Variants in CERS3 observed in about 807,000 individuals in gnomAD.
CERS3 encodes the protein ceramide synthase 3.
Under a neutral mutation model 50.3 loss-of-function variants are expected in CERS3, and 33 were observed. That is an observed-to-expected ratio of 0.66 (90% confidence interval 0.50 to 0.88). The LOEUF (loss-of-function observed/expected upper bound fraction) is 0.88, where lower values mean the gene tolerates loss of function less well. Ranked by LOEUF, CERS3 falls within the 40% of genes least tolerant of loss-of-function variation. CERS3 has a pLI of 0.00. For synonymous variants in CERS3, 176 were observed against 155.2 expected (o/e 1.13, Z -0.99); for missense variants, 470 against 460.3 (o/e 1.02, Z -0.19).
intron 11 of CERS3, among the ~76,000 whole-genome samples, chr15:100,411,302 C>G (rs1391125900): frequency 6.6e-6 from 1 of 152,134 alleles, no homozygotes; most frequent in Non-Finnish European, 1.5e-5. Flanking sequence ...GCTGGCGTTA[C>G]AGGTGCCCAC....
At chr15:100,508,268 G>C (rs572126536) in intron 2 of CERS3, among the ~76,000 whole-genome samples, 3 of 152,050 alleles carry the variant, frequency 2.0e-5, no homozygotes, top group South Asian at 2.1e-4. Context: ...TTTTGCCCCT[G>C]TTCTTCCTGT....
intron 11 of CERS3, among the ~76,000 whole-genome samples, chr15:100,417,621 G>T (rs11533746): frequency 9.2e-5 from 14 of 151,526 alleles, no homozygotes; most frequent in Non-Finnish European, 1.6e-4. Flanking sequence ...CTCCACCTCT[G>T]GGGGCAGGGC....
rs116526431 is a variant in CERS3 at position 100,473,926 on chromosome 15, G to A, written c.610-874C>T. Among the ~76,000 whole-genome samples the A allele has an allele frequency of 3.7e-3, 564 of 152,290 alleles. 5 individuals are homozygous for A. The highest frequency in any genetic ancestry group is 0.012 in the African/African-American group (514 of 41,566). On this transcript the variant is annotated intron_variant, in intron 8 of 11. Transcript: ENST00000679737. Reference sequence around the variant, plus strand: ...GAGGATGAATAAAATGCATCCATCCGTACAATGGACTATTACTTAGCAATA... The same window carrying A: ...GAGGATGAATAAAATGCATCCATCCATACAATGGACTATTACTTAGCAATA...
At chr15:100,466,733 CTTCT>C (rs1567638259) in intron 10 of CERS3, among the ~76,000 whole-genome samples, 2 of 138,164 alleles carry the variant, frequency 1.4e-5, no homozygotes, top group Admixed American at 7.4e-5. Flanking sequence ...ATCTTCTTTC[CTTCT>C]TTCCTTCCTT....
upstream of CERS3, among the ~76,000 whole-genome samples, chr15:100,529,928 A>G (rs998566923): frequency 7.2e-5 from 11 of 152,226 alleles, 1 homozygote; most frequent in Admixed American, 6.5e-5. Context: ...GGGAAACACC[A>G]GTTTCAAATT....
intron 11 of CERS3, among the ~76,000 whole-genome samples, chr15:100,415,381 G>A (rs538965283): frequency 6.6e-6 from 1 of 152,296 alleles, no homozygotes; most frequent in South Asian, 2.1e-4. Context: ...GGGAAACAGT[G>A]TGGCAATTCC....
rs368801224 is a variant in CERS3 at position 100,472,873 on chromosome 15, G to A, written c.738+51C>T. 6.3e-5 allele frequency: 101 copies of A among 1,610,798 alleles called. No homozygotes were observed. The Middle Eastern group carries it at 6.6e-4, about 11-fold the overall frequency. On this transcript the variant is annotated intron_variant, in intron 9 of 11. Coordinates refer to ENST00000679737, the MANE Select transcript of CERS3 (RefSeq NM_001378789.1). ...CACAATTACTTCTGTGAGCAGTTACGGAAACCCAGGACATGGTATTGTCAT... is the reference window on the plus strand; with the variant it reads ...CACAATTACTTCTGTGAGCAGTTACAGAAACCCAGGACATGGTATTGTCAT...
chr15:100,503,009 A>G (rs2036058416), intron 2 of CERS3, among the ~76,000 whole-genome samples: 1 of 152,266 alleles, frequency 6.6e-6, no homozygotes, highest in Non-Finnish European at 1.5e-5. Context: ...ACTACAATCA[A>G]GTAACCAGAG....
chr15:100,440,702 C>T (rs1414147488), intron 11 of CERS3, among the ~76,000 whole-genome samples: 1 of 152,234 alleles, frequency 6.6e-6, no homozygotes, highest in Non-Finnish European at 1.5e-5. Context: ...CCACCTACGA[C>T]CTCAGGTCCT....
rs142842405 is a variant in CERS3 at position 100,502,018 on chromosome 15, G to A, written c.-1-168C>T. Among the ~76,000 whole-genome samples, 649 of 151,172 alleles carry A rather than the reference G, an allele frequency of 4.3e-3. 3 individuals are homozygous for A. The highest frequency in any genetic ancestry group is 0.015 in the African/African-American group (612 of 40,610). On this transcript the variant is annotated intron_variant, in intron 2 of 11. Transcript: ENST00000679737. Reference sequence around the variant, plus strand: ...TATCAGCACTTTGGGAGACCAAGGCGGGCGGATCATGAGGTCAAGAGATCA... The same window carrying A: ...TATCAGCACTTTGGGAGACCAAGGCAGGCGGATCATGAGGTCAAGAGATCA...
intron 2 of CERS3, among the ~76,000 whole-genome samples, chr15:100,514,133 A>T (rs1467016178): frequency 6.6e-6 from 1 of 152,170 alleles, no homozygotes; most frequent in Admixed American, 6.5e-5. Context: ...CCCCATCTAC[A>T]AGATGGAGTT....
intron 11 of CERS3, among the ~76,000 whole-genome samples, chr15:100,449,226 C>T (rs1049796702): frequency 2.0e-5 from 3 of 152,242 alleles, no homozygotes; most frequent in Non-Finnish European, 2.9e-5. Flanking sequence ...ATCACCACAG[C>T]TAGTACTCAC....
At chr15:100,470,533 G>A (rs1049101742) in intron 9 of CERS3, among the ~76,000 whole-genome samples, 17 of 152,150 alleles carry the variant, frequency 1.1e-4, no homozygotes, top group African/African-American at 3.9e-4. Context: ...CTGTAGTGGA[G>A]TGGGAGGCTG....
At chr15:100,438,698 T>C (rs556330695) in intron 11 of CERS3, among the ~76,000 whole-genome samples, 5 of 152,376 alleles carry the variant, frequency 3.3e-5, no homozygotes, top group African/African-American at 9.6e-5. Flanking sequence ...TTCTATGAAC[T>C]GAAGAGATCC....
chr15:100,509,876 A>G (rs528434599), intron 2 of CERS3, among the ~76,000 whole-genome samples: 4 of 152,164 alleles, frequency 2.6e-5, no homozygotes, highest in Non-Finnish European at 5.9e-5. Flanking sequence ...TGCTTCAGCC[A>G]ATAATAAAAT....
At chr15:100,417,961 T>C (rs2032087324) in intron 11 of CERS3, among the ~76,000 whole-genome samples, 1 of 151,732 alleles carries the variant, frequency 6.6e-6, no homozygotes, top group African/African-American at 2.4e-5. Context: ...CAAAAGTAGA[T>C]AAAACCACAA....
chr15:100,418,312 A>G (rs1240604983), intron 11 of CERS3, among the ~76,000 whole-genome samples: 1 of 152,126 alleles, frequency 6.6e-6, no homozygotes, highest in East Asian at 1.9e-4. Flanking sequence ...GATGCGATCA[A>G]CTGGAAGAAA....
intron 2 of CERS3, among the ~76,000 whole-genome samples, chr15:100,511,468 A>ATG: frequency 6.6e-6 from 1 of 152,254 alleles, no homozygotes; most frequent in East Asian, 1.9e-4. Context: ...GTTTCCATTA[A>ATG]CAGTCTGTTA....
At chr15:100,416,967 G>GA (rs1192949473) in intron 11 of CERS3, among the ~76,000 whole-genome samples, 9 of 152,198 alleles carry the variant, frequency 5.9e-5, no homozygotes, top group Non-Finnish European at 1.3e-4. Context: ...ACAAGCATAT[G>GA]AAAAAATATT....
Sources: gnomAD v4.1 joint callset for allele counts (sites outside exome capture counted in the v4.1 genomes callset) on GRCh38, gnomAD v4.1.1 for gene constraint, MANE v1.5 for transcripts, NCBI Gene and HGNC (gene_info 2026-07-23, HGNC 2026-07-21) for gene names.